Variants in KIF13A observed in about 807,000 individuals in gnomAD.
KIF13A encodes kinesin-like protein KIF13A.
A neutral mutation model predicts 212.2 loss-of-function variants in KIF13A; 79 were observed. The ratio of observed to expected loss-of-function variants is 0.37; its 90% CI spans 0.31 to 0.45. The LOEUF (loss-of-function observed/expected upper bound fraction) is 0.45. Among genes scored for constraint, KIF13A ranks in the 20% least tolerant of loss-of-function variants. KIF13A has a pLI of 1.00. For missense variants in KIF13A, 1,901 were observed against 2,209.0 expected, an observed-to-expected ratio of 0.86 and a Z score of 2.79; for synonymous variants, 789 against 808.6, an observed-to-expected ratio of 0.98 and a Z score of 0.41.
chr6:17,943,400 A>ATTTTTTTTTTTTTTTTTTTTTTTTTT, intron 2 of KIF13A, among the ~76,000 whole-genome samples: 1 of 132,290 alleles, frequency 7.6e-6, no homozygotes. Context: ...TAAAACACAG[A>ATTTTTTTTTTTTTTTTTTTTTTTTTT]TTTTTTTTTT....
chr6:17,802,135 G>T (rs184930071), intron 20 of KIF13A, among the ~76,000 whole-genome samples: 14 of 152,200 alleles, frequency 9.2e-5, no homozygotes, highest in African/African-American at 2.6e-4. Context: ...TATTTTTAAA[G>T]GTAGATCAGA....
intron 2 of KIF13A, among the ~76,000 whole-genome samples, chr6:17,945,610 AAAG>A (rs1227565440): frequency 7.9e-5 from 12 of 152,360 alleles, no homozygotes; most frequent in East Asian, 7.7e-4. Flanking sequence ...TTTTATTGCT[AAAG>A]AAGAACTAAA....
At chr6:17,824,003 G>T (rs1051968308) in intron 16 of KIF13A, among the ~76,000 whole-genome samples, 3 of 146,328 alleles carry the variant, frequency 2.1e-5, no homozygotes, top group African/African-American at 7.6e-5. Flanking sequence ...TGCCTCCTGG[G>T]TTCAAGCAAT....
chr6:17,929,027 C>A (rs941785648), intron 2 of KIF13A, among the ~76,000 whole-genome samples: 5 of 133,744 alleles, frequency 3.7e-5, no homozygotes, highest in African/African-American at 1.5e-4. Context: ...TGAGCTCATG[C>A]CACAGCAATA....
intron 2 of KIF13A, among the ~76,000 whole-genome samples, chr6:17,925,298 CA>C (rs1264752346): frequency 2.0e-5 from 3 of 152,170 alleles, no homozygotes; most frequent in Non-Finnish European, 4.4e-5. Context: ...TCATTGAGAA[CA>C]AAGTTTTTCG....
rs1758710737 is a variant in KIF13A, at chr6:17,763,842, G to T, written c.*268C>A. On this transcript the variant is annotated 3_prime_UTR_variant, in exon 39 of 39. Transcript: ENST00000259711. ...GGAAAACTGGTAACTAAACATCCCA[G>T]GGAATGAATATGAGATTGATCCTTA... The T allele has an allele frequency of 8.0e-7, 1 of 1,255,484 alleles. No homozygotes were observed. Among genetic ancestry groups the T allele is most frequent in the Non-Finnish European group, 1.0e-6 (1 of 998,734 alleles). The allele number at this position is 1,255,484 out of a possible 1,614,324, so 77.8% of individuals were successfully genotyped here. A position where few individuals can be genotyped will look rare whatever the true frequency, so the allele number is the denominator to read the frequency against.
intron 2 of KIF13A, among the ~76,000 whole-genome samples, chr6:17,903,789 C>G (rs1280083802): frequency 6.6e-6 from 1 of 152,044 alleles, no homozygotes; most frequent in Non-Finnish European, 1.5e-5. Flanking sequence ...GGTGTCTTAG[C>G]AAGGGTTCAG....
chr6:17,825,045 TTCTAAG>T lies in KIF13A; in HGVS notation c.1786+717_1786+722del, dbSNP rs1339834986. Among the ~76,000 whole-genome samples, 1 of 152,164 alleles carries T rather than the reference TTCTAAG, an allele frequency of 6.6e-6. No individual in the cohort carries two copies. Among genetic ancestry groups the T allele is most frequent in the Non-Finnish European group, 1.5e-5 (1 of 68,030 alleles). ...GTAACAGGTGAACATTGCTTCTGGC[TTCTAAG>T]TCCCAGTCATCAAATCTAGCAATTA... On this transcript the variant is annotated intron_variant, in intron 16 of 38. Transcript: ENST00000259711. The surrounding 1 kb of genome is among the most constrained non-coding windows in gnomAD (Gnocchi z 4.5).
At chr6:17,760,166 T>C (rs540269335), downstream of KIF13A, 4 of 152,326 alleles carry the variant, frequency 2.6e-5, no homozygotes, top group South Asian at 6.2e-4. Flanking sequence ...CAAACATACA[T>C]GTTCACACAA....
chr6:17,906,960 C>T (rs973702890), intron 2 of KIF13A, among the ~76,000 whole-genome samples: 1 of 152,106 alleles, frequency 6.6e-6, no homozygotes, highest in African/African-American at 2.4e-5. Flanking sequence ...AGATAAGATG[C>T]TACAGTCAAC....
intron 2 of KIF13A, among the ~76,000 whole-genome samples, chr6:17,939,294 A>C (rs1399171091): frequency 6.6e-6 from 1 of 152,248 alleles, no homozygotes; most frequent in Non-Finnish European, 1.5e-5. Context: ...TACATCTGAA[A>C]TCCAATATTC....
chr6:17,910,074 T>C (rs1053995489), intron 2 of KIF13A, among the ~76,000 whole-genome samples: 2 of 152,230 alleles, frequency 1.3e-5, no homozygotes, highest in African/African-American at 4.8e-5. Flanking sequence ...CAGCCATACC[T>C]ACATGTAAGG....
Position 17,899,789 on chromosome 6 carries a change from C to T in KIF13A, c.147-1609G>A, listed in dbSNP as rs1412776370. Among the ~76,000 whole-genome samples, 1 of 152,090 alleles carries T rather than the reference C, an allele frequency of 6.6e-6. No homozygotes were observed. The highest frequency in any genetic ancestry group is 2.4e-5 in the African/African-American group (1 of 41,398). On this transcript the variant is annotated intron_variant, in intron 2 of 38. Transcript: ENST00000259711. The surrounding 1 kb of genome is among the most constrained non-coding windows in gnomAD (Gnocchi z 5.2). Reference sequence around the variant, plus strand: ...AAGTCTCAACATATTTGTATGTCTACCCTTTAAAACAAGATAAACATTTAT... The same window carrying T: ...AAGTCTCAACATATTTGTATGTCTATCCTTTAAAACAAGATAAACATTTAT...
In KIF13A at chr6:17,850,633, T is replaced by A. The variant is rs766254887; in HGVS notation, c.583-176A>T. Among the ~76,000 whole-genome samples, 5 of 152,210 alleles carry A rather than the reference T, an allele frequency of 3.3e-5. No homozygotes were observed. Among genetic ancestry groups the A allele is most frequent in the Admixed American group, 6.5e-5 (1 of 15,286 alleles). Reference sequence around the variant, plus strand: ...TTGAGCTTCCACCTCACTCAAGACTTTGTAATGTATGAAATGTTTCCCTAA... The same window carrying A: ...TTGAGCTTCCACCTCACTCAAGACTATGTAATGTATGAAATGTTTCCCTAA... On this transcript the variant is annotated intron_variant, in intron 7 of 38. Transcript: ENST00000259711. This position sits in a 1 kb window ranked among gnomAD's most constrained non-coding sequence, Gnocchi z 6.2.
chr6:17,908,689 C>G (rs79633312), intron 2 of KIF13A, among the ~76,000 whole-genome samples: 1 of 149,834 alleles, frequency 6.7e-6, no homozygotes, highest in Non-Finnish European at 1.5e-5. Context: ...AAAAAAAACC[C>G]TGTTTCTTTT....
chr6:17,799,954 G>A lies in KIF13A; in HGVS notation c.2614C>T (p.Arg872Trp), dbSNP rs780804691. ...IIHRVKKLTCRVKIKEATGLP... is the reference protein window; with the variant it reads ...IIHRVKKLTCWVKIKEATGLP... ...GCCTCCCATCACTGTCCTCTCACCCGACATGTCAGCTTTTTGACTCGGTGA... is the reference window on the plus strand; with the variant it reads ...GCCTCCCATCACTGTCCTCTCACCCAACATGTCAGCTTTTTGACTCGGTGA... The change falls in exon 21 of 39, where the codon CGG becomes TGG. Residue 872 changes from arginine (R) to tryptophan (W), a missense_variant and splice_region_variant. By Grantham distance (101) the Arg-to-Trp change is moderately radical (BLOSUM62 -3). This residue lies in a region of KIF13A where 534 missense variants were observed against 536.9 expected (regional missense o/e 0.99). Coordinates refer to ENST00000259711, the MANE Select transcript of KIF13A (RefSeq NM_022113.6). The surrounding 1 kb of genome is among the most constrained non-coding windows in gnomAD (Gnocchi z 4.4). 10 of 1,613,402 alleles carry A rather than the reference G, an allele frequency of 6.2e-6. No homozygotes were observed. In the African/African-American group the frequency reaches 6.7e-5, roughly 11 times the overall value.
At chr6:17,767,544 C>T (rs189195049) in intron 38 of KIF13A, among the ~76,000 whole-genome samples, 6 of 152,216 alleles carry the variant, frequency 3.9e-5, no homozygotes, top group Non-Finnish European at 7.3e-5. Context: ...TGTGAGCCAC[C>T]ATGCCCGGCA....
chr6:17,796,677 C>T lies in KIF13A; in HGVS notation c.2934G>A (p.Leu978=), dbSNP rs1185290943. 2 of 1,546,950 alleles carry T rather than the reference C, an allele frequency of 1.3e-6. No individual in the cohort carries two copies. Residue 978 remains leucine, a synonymous_variant, in exon 23 of 39, where the codon CTG becomes CTA. Coordinates refer to ENST00000259711, the MANE Select transcript of KIF13A (RefSeq NM_022113.6). ...CACAGCCAAGTACAAACCTGTCATG[C>T]AGTGTTCTTGTCTTAGCATGAAGAG... ...VDSLHAKTRT[L]HDRWNEVTRR...
chr6:17,904,579 A>G (rs1016053365), intron 2 of KIF13A, among the ~76,000 whole-genome samples: 11 of 152,234 alleles, frequency 7.2e-5, no homozygotes, highest in Admixed American at 6.5e-4. Context: ...ACAGACCTGG[A>G]AAGTTCAATA....
Sources: gnomAD v4.1 joint callset for allele counts (sites outside exome capture counted in the v4.1 genomes callset) on GRCh38, gnomAD v4.1.1 for gene constraint, gnomAD v4.1.1 regional missense constraint, Gnocchi (gnomAD v3.1) non-coding constraint, MANE v1.5 for transcripts, NCBI Gene and HGNC (gene_info 2026-07-23, HGNC 2026-07-21) for gene names.